The following ETV6 variants were observed in gnomAD, a reference collection of about 807,000 sequenced individuals.
ETV6 encodes the protein transcription factor ETV6.
A neutral mutation model predicts 51.1 loss-of-function variants in ETV6; 16 were observed. That is an observed-to-expected ratio of 0.31 (90% CI 0.21 to 0.48). The LOEUF is 0.48. Among genes scored for constraint, ETV6 ranks in the 20% least tolerant of loss-of-function variants. The probability of loss-of-function intolerance (pLI) is 0.99; values close to 1 mark genes in which losing one functional copy is unlikely to be tolerated. For missense variants in ETV6, 458 were observed against 594.8 expected, an observed-to-expected ratio of 0.77 and a Z score of 2.39; for synonymous variants, 240 against 224.1, an observed-to-expected ratio of 1.07 and a Z score of -0.64.
intron 1 of ETV6, among the ~76,000 whole-genome samples, chr12:11,686,488 G>T (rs766845107): frequency 6.6e-6 from 1 of 152,236 alleles, no homozygotes; most frequent in Non-Finnish European, 1.5e-5. Context: ...GGTCTGGGAT[G>T]TTTTTGGAGT....
rs762968977 is a variant in ETV6 at position 11,884,599 on chromosome 12, G to A, written c.1152+12G>A. 5.0e-6 allele frequency: 8 copies of A among 1,613,728 alleles called. No individual in the cohort carries two copies. The highest frequency in any genetic ancestry group is 5.9e-6 in the Non-Finnish European group (7 of 1,179,976). On this transcript the variant is annotated intron_variant, in intron 6 of 7. Transcript: ENST00000396373. ...GGGGAAACCATAAGGTAAAAGGGCA[G>A]CAGATATCTGCTCCATAAACTAGTG... is the stretch of plus-strand genomic sequence containing the variant.
intron 2 of ETV6, among the ~76,000 whole-genome samples, chr12:11,784,850 C>T (rs1945461467): frequency 3.5e-5 from 5 of 144,062 alleles, no homozygotes; most frequent in Non-Finnish European, 7.4e-5. Context: ...GTGTGCACCC[C>T]GTGCCTTGCT....
intron 2 of ETV6, among the ~76,000 whole-genome samples, chr12:11,806,753 C>T (rs1401238507): frequency 2.0e-5 from 3 of 152,200 alleles, no homozygotes; most frequent in African/African-American, 7.2e-5. Flanking sequence ...GTTGCATGTT[C>T]TGTGTAGGGA....
At chr12:11,882,236 CCA>C (rs1324906176) in intron 5 of ETV6, among the ~76,000 whole-genome samples, 2 of 152,156 alleles carry the variant, frequency 1.3e-5, no homozygotes, top group African/African-American at 2.4e-5. Flanking sequence ...CTGGAAAATG[CCA>C]CAGTTTTCTG....
At chr12:11,650,331 G>T (rs1356261180) in intron 1 of ETV6, among the ~76,000 whole-genome samples, 171 bp downstream of exon 1, 7 of 129,304 alleles carry the variant, frequency 5.4e-5, no homozygotes, top group Non-Finnish European at 9.7e-5. Context: ...ACCCTTTAGC[G>T]TAACCTTGCT....
At chr12:11,691,904 G>C (rs994325426) in intron 1 of ETV6, among the ~76,000 whole-genome samples, 1 of 152,204 alleles carries the variant, frequency 6.6e-6, no homozygotes, top group Admixed American at 6.5e-5. Flanking sequence ...ACTGCACACT[G>C]GGAGAATGTT....
chr12:11,732,809 A>G (rs1213516658), intron 1 of ETV6, among the ~76,000 whole-genome samples: 1 of 152,186 alleles, frequency 6.6e-6, no homozygotes. Context: ...CAATTGCCCA[A>G]TTCCAGCTCT....
At chr12:11,702,099 G>T (rs1473450012) in intron 1 of ETV6, among the ~76,000 whole-genome samples, 3 of 152,056 alleles carry the variant, frequency 2.0e-5, no homozygotes, top group Non-Finnish European at 4.4e-5. Flanking sequence ...TGGGTTGACA[G>T]GGGGGTGTGA....
intron 3 of ETV6, among the ~76,000 whole-genome samples, chr12:11,839,743 G>A (rs1946364531): frequency 6.6e-6 from 1 of 152,160 alleles, no homozygotes; most frequent in Non-Finnish European, 1.5e-5. Flanking sequence ...AGCTGAGTGT[G>A]GTGGTGTACA....
intron 1 of ETV6, among the ~76,000 whole-genome samples, chr12:11,658,508 T>TA (rs1173287806): frequency 6.6e-6 from 1 of 152,216 alleles, no homozygotes; most frequent in African/African-American, 2.4e-5. Flanking sequence ...GTGCTGGGAT[T>TA]ACAGGCGTGA....
In ETV6 at chr12:11,865,228, G is replaced by A. The variant is rs373674862; in HGVS notation, c.464-4196G>A. ...ATCACGCCACTGCACTCCAGCCTGG[G>A]TGAAAGAGCGAGACTCCGTCTCAAA... On this transcript the variant is annotated intron_variant, in intron 4 of 7. Coordinates refer to ENST00000396373, the MANE Select transcript of ETV6 (RefSeq NM_001987.5). Among the ~76,000 whole-genome samples, 251 of 145,830 alleles carry A rather than the reference G, an allele frequency of 1.7e-3. 3 individuals carry two copies. Among genetic ancestry groups the A allele is most frequent in the African/African-American group, 6.2e-3 (243 of 39,214 alleles).
At chr12:11,669,576 G>C (rs1042549986) in intron 1 of ETV6, among the ~76,000 whole-genome samples, 1 of 151,726 alleles carries the variant, frequency 6.6e-6, no homozygotes, top group African/African-American at 2.4e-5. Flanking sequence ...CTCCTGTGGC[G>C]CAGTACTTCC....
intron 2 of ETV6, among the ~76,000 whole-genome samples, chr12:11,810,488 G>A (rs1237830355): frequency 6.6e-6 from 1 of 152,206 alleles, no homozygotes; most frequent in Non-Finnish European, 1.5e-5. Context: ...AAGCATCTGT[G>A]TGCCATGATC....
intron 1 of ETV6, among the ~76,000 whole-genome samples, chr12:11,718,450 T>C (rs796759828): frequency 2.0e-5 from 3 of 151,974 alleles, no homozygotes; most frequent in South Asian, 4.1e-4. Context: ...AATTTCAAGA[T>C]AGCCACAGCA....
In ETV6 at chr12:11,893,091, G is replaced by GTGTC. The variant is rs1947320318; in HGVS notation, c.*2047_*2050dup. On this transcript the variant is annotated 3_prime_UTR_variant, in exon 8 of 8. Coordinates refer to ENST00000396373, the MANE Select transcript of ETV6 (RefSeq NM_001987.5). ...TCTGCTGGATCTCAGCACGCTGCAGGTGTCTTTTGAGAGCATTCAGTAGGA... is the reference window on the plus strand; with the variant it reads ...TCTGCTGGATCTCAGCACGCTGCAGGTGTCTGTCTTTTGAGAGCATTCAGTAGGA... The GTGTC allele has an allele frequency of 4.3e-6, 1 of 232,850 alleles. No individual in the cohort carries two copies. Among genetic ancestry groups the GTGTC allele is most frequent in the Non-Finnish European group, 8.5e-6 (1 of 117,802 alleles). 14.4% of individuals were successfully genotyped at this position (232,850 alleles called of 1,614,324 possible). A position where few individuals can be genotyped will look rare whatever the true frequency, so the allele number is the denominator to read the frequency against.
rs1157247580 is a variant in ETV6, at chr12:11,869,982, C to T, written c.1009+13C>T. On this transcript the variant is annotated intron_variant, in intron 5 of 7. Coordinates refer to ENST00000396373, the MANE Select transcript of ETV6 (RefSeq NM_001987.5). The surrounding 1 kb of genome is among the most constrained non-coding windows in gnomAD (Gnocchi z 5.0). ...GGGAGAATAGCAGGTGAGTGAGTTC[C>T]CCTCTCGCCGCTCCAGCATCATGGG... 6.3e-7 allele frequency: 1 copy of T among 1,585,700 alleles called. No individual in the cohort carries two copies. The highest frequency in any genetic ancestry group is 2.2e-5 in the East Asian group (1 of 44,770).
chr12:11,663,747 T>G (rs1438523444), intron 1 of ETV6, among the ~76,000 whole-genome samples: 1 of 117,996 alleles, frequency 8.5e-6, no homozygotes, highest in Non-Finnish European at 1.7e-5. Flanking sequence ...GGTGTTTATA[T>G]GTTGGTAGGT....
chr12:11,706,744 C>G (rs890870654), intron 1 of ETV6, among the ~76,000 whole-genome samples: 4 of 152,216 alleles, frequency 2.6e-5, no homozygotes, highest in Non-Finnish European at 5.9e-5. Context: ...CCAGGTATTT[C>G]TAGGACGATT....
chr12:11,853,662 T>G (rs1045125542), intron 4 of ETV6, 101 bp downstream of exon 4: 2 of 1,351,648 alleles, frequency 1.5e-6, no homozygotes, highest in African/African-American at 2.9e-5. Flanking sequence ...AAGTTCACTT[T>G]TCATTCAGTA....
Sources: gnomAD v4.1 joint callset for allele counts (sites outside exome capture counted in the v4.1 genomes callset) on GRCh38, gnomAD v4.1.1 for gene constraint, Gnocchi (gnomAD v3.1) non-coding constraint, MANE v1.5 for transcripts, NCBI Gene and HGNC (gene_info 2026-07-23, HGNC 2026-07-21) for gene names.